Variants in ANKS1B observed in about 807,000 individuals in gnomAD.
ANKS1B encodes ankyrin repeat and sterile alpha motif domain-containing protein 1B.
ANKS1B carries 36 observed loss-of-function variants against 148.3 expected under a neutral mutation model. The observed-to-expected ratio is 0.24, with a 90% CI of 0.19 to 0.32. ANKS1B has a LOEUF of 0.32. ANKS1B is among the 10% of genes least tolerant of loss of function. The pLI is 1.00. For synonymous variants in ANKS1B, 542 were observed against 560.8 expected (o/e 0.97, Z 0.47); for missense variants, 1,157 against 1,542.6 (o/e 0.75, Z 4.19).
chr12:99,489,175 G>A (rs1254221415), intron 10 of ANKS1B, among the ~76,000 whole-genome samples: 4 of 151,358 alleles, frequency 2.6e-5, no homozygotes, highest in Admixed American at 2.0e-4. Flanking sequence ...CCGGGAGGCG[G>A]AGGTGGCAGT....
At chr12:99,293,016 A>T (rs1395442145) in intron 12 of ANKS1B, among the ~76,000 whole-genome samples, 2 of 152,204 alleles carry the variant, frequency 1.3e-5, no homozygotes, top group Non-Finnish European at 2.9e-5. Context: ...TACCCAAAGG[A>T]TTACAAATCA....
chr12:99,520,263 T>C (rs2096862306), intron 9 of ANKS1B, among the ~76,000 whole-genome samples: 1 of 152,224 alleles, frequency 6.6e-6, no homozygotes, highest in Non-Finnish European at 1.5e-5. Flanking sequence ...AGGTCTGTTG[T>C]TGATGAAATC....
At chr12:99,203,694 AC>A (rs1297561132) in intron 14 of ANKS1B, among the ~76,000 whole-genome samples, 7 of 151,600 alleles carry the variant, frequency 4.6e-5, no homozygotes, top group Non-Finnish European at 1.0e-4. Context: ...CTCGTGATCC[AC>A]CCGCCTCAGC....
intron 9 of ANKS1B, among the ~76,000 whole-genome samples, chr12:99,548,691 A>C (rs973580076): frequency 6.6e-6 from 1 of 152,176 alleles, no homozygotes; most frequent in African/African-American, 2.4e-5. Flanking sequence ...TTTGAAAAAG[A>C]AAAACAATAA....
intron 12 of ANKS1B, among the ~76,000 whole-genome samples, chr12:99,395,063 A>T (rs1484795114): frequency 6.6e-6 from 1 of 152,084 alleles, no homozygotes; most frequent in Non-Finnish European, 1.5e-5. Context: ...ATTCCATTGG[A>T]TCTGCCTTAA....
chr12:99,704,878 T>C (rs148676820), intron 8 of ANKS1B, among the ~76,000 whole-genome samples: 1 of 152,114 alleles, frequency 6.6e-6, no homozygotes, highest in African/African-American at 2.4e-5. Context: ...GCCCAAAACG[T>C]CATTAAAATG....
chr12:99,122,765 A>T (rs1435975301), intron 15 of ANKS1B, among the ~76,000 whole-genome samples: 1 of 152,128 alleles, frequency 6.6e-6, no homozygotes, highest in African/African-American at 2.4e-5. Flanking sequence ...TCTTTTAATA[A>T]GAAATATCAT....
intron 17 of ANKS1B, among the ~76,000 whole-genome samples, chr12:99,049,331 C>G (rs148318442): frequency 3.1e-4 from 47 of 152,046 alleles, no homozygotes; most frequent in African/African-American, 1.1e-3. Flanking sequence ...CACCCACACA[C>G]TCTCACAGAA....
chr12:98,836,227 G>T (rs556686510), intron 17 of ANKS1B, among the ~76,000 whole-genome samples: 3 of 152,270 alleles, frequency 2.0e-5, no homozygotes, highest in Non-Finnish European at 2.9e-5. Flanking sequence ...GAGTTATCAT[G>T]TTTAAAGCAT....
chr12:99,298,627 A>G (rs2081212722), intron 12 of ANKS1B, among the ~76,000 whole-genome samples: 1 of 152,174 alleles, frequency 6.6e-6, no homozygotes, highest in East Asian at 1.9e-4. Flanking sequence ...TATCAATCCT[A>G]TGAGGTAGGG....
chr12:99,428,413 C>A (rs2095303044), intron 11 of ANKS1B, among the ~76,000 whole-genome samples: 1 of 152,026 alleles, frequency 6.6e-6, no homozygotes, highest in Admixed American at 6.5e-5. Context: ...TTGGAGATGA[C>A]CCTAAATGAG....
chr12:98,767,472 C>G (rs1050585314), intron 25 of ANKS1B, among the ~76,000 whole-genome samples: 1 of 152,186 alleles, frequency 6.6e-6, no homozygotes, highest in Non-Finnish European at 1.5e-5. Context: ...CTCCTGAGAC[C>G]GTCTCAGCCT....
chr12:99,875,716 T>G (rs1380085669), intron 1 of ANKS1B, among the ~76,000 whole-genome samples: 1 of 152,156 alleles, frequency 6.6e-6, no homozygotes, highest in Admixed American at 6.6e-5. Flanking sequence ...ACAATGGGAC[T>G]TTGGGGGCAT....
chr12:99,685,688 A>G (rs576341538), intron 8 of ANKS1B, among the ~76,000 whole-genome samples: 228 of 152,290 alleles, frequency 1.5e-3, no homozygotes, highest in Non-Finnish European at 2.6e-3. Context: ...CCAAATGCCC[A>G]TCAATCAACA....
At chr12:99,931,979 T>C (rs1459255920) in intron 1 of ANKS1B, among the ~76,000 whole-genome samples, 2 of 152,150 alleles carry the variant, frequency 1.3e-5, no homozygotes, top group African/African-American at 2.4e-5. Flanking sequence ...ATGAGTTCAA[T>C]TGTTTTCATT....
At chr12:99,492,798 A>G (rs540309974) in intron 10 of ANKS1B, among the ~76,000 whole-genome samples, 1 of 152,154 alleles carries the variant, frequency 6.6e-6, no homozygotes, top group Non-Finnish European at 1.5e-5. Flanking sequence ...AAGACAAAAA[A>G]CACATGATTA....
intron 9 of ANKS1B, among the ~76,000 whole-genome samples, chr12:99,526,006 G>A (rs1457176938): frequency 1.3e-5 from 2 of 151,958 alleles, no homozygotes; most frequent in Non-Finnish European, 2.9e-5. Flanking sequence ...AGAAAAAAAT[G>A]AGCAAAGATT....
At chr12:99,726,579 A>G (rs910314336) in intron 8 of ANKS1B, among the ~76,000 whole-genome samples, 1 of 152,206 alleles carries the variant, frequency 6.6e-6, no homozygotes, top group Non-Finnish European at 1.5e-5. Context: ...AGCTGGTGCC[A>G]TTCCTTCTGA....
At chr12:99,378,946 T>C (rs2093520501) in intron 12 of ANKS1B, among the ~76,000 whole-genome samples, 1 of 152,180 alleles carries the variant, frequency 6.6e-6, no homozygotes, top group African/African-American at 2.4e-5. Context: ...GTGACTTCTA[T>C]GTACCTATAC....
Sources: allele counts gnomAD v4.1 joint callset (sites outside exome capture counted in the v4.1 genomes callset), GRCh38; gene constraint gnomAD v4.1.1; transcripts MANE v1.5; gene names NCBI Gene and HGNC (gene_info 2026-07-23, HGNC 2026-07-21).